Variants in PTP4A3 observed in about 807,000 individuals in gnomAD.
PTP4A3 encodes protein tyrosine phosphatase 4A3, also known as protein tyrosine phosphatase type IVA 3.
Under a neutral mutation model 15.2 loss-of-function variants are expected in PTP4A3, and 9 were observed. The ratio of observed to expected loss-of-function variants is 0.59; its 90% CI spans 0.36 to 1.03. PTP4A3 has a LOEUF of 1.03. Ranked by LOEUF, PTP4A3 falls within the 50% of genes least tolerant of loss-of-function variation. The pLI is 0.02. For synonymous variants in PTP4A3, 95 were observed against 102.0 expected (o/e 0.93, Z 0.41); for missense variants, 234 against 252.1 (o/e 0.93, Z 0.49).
chr8:141,422,612 G>A (rs544221938), intron 2 of PTP4A3, among the ~76,000 whole-genome samples: 2 of 152,248 alleles, frequency 1.3e-5, no homozygotes, highest in East Asian at 1.9e-4. Context: ...GGGACTCCAC[G>A]CTGTGTGGAT....
chr8:141,425,196 CGGGG>C lies in PTP4A3; in HGVS notation c.198+59_198+62del. ...CTGCTGCCACCGGGGGAGGGTGGGG[CGGGG>C]GGCTCCGGGCCTGCGCAGAGGGTTT... On this transcript the variant is annotated intron_variant, in intron 3 of 5. Coordinates refer to ENST00000521578, the MANE Select transcript of PTP4A3 (RefSeq NM_032611.3). The surrounding 1 kb of genome is among the most constrained non-coding windows in gnomAD (Gnocchi z 4.2). 1 of 361,486 alleles carries C rather than the reference CGGGG, an allele frequency of 2.8e-6. No homozygotes were observed. The highest frequency in any genetic ancestry group is 6.7e-5 in the East Asian group (1 of 14,872). 22.4% of individuals were successfully genotyped at this position (361,486 alleles called of 1,614,324 possible). A position where few individuals can be genotyped will look rare whatever the true frequency, so the allele number is the denominator to read the frequency against.
chr8:141,415,215 C>T (rs540317184), intron 1 of PTP4A3, among the ~76,000 whole-genome samples: 2 of 152,114 alleles, frequency 1.3e-5, no homozygotes, highest in South Asian at 2.1e-4. Context: ...AGTGAGGCTC[C>T]CTCCAGCGCG....
intron 1 of PTP4A3, among the ~76,000 whole-genome samples, chr8:141,417,018 G>A (rs146639053): frequency 2.0e-3 from 298 of 152,288 alleles, no homozygotes; most frequent in African/African-American, 6.7e-3. Context: ...TGGCCAGGGC[G>A]GGCACAGAGT....
At chr8:141,426,289 A>G (rs1833574072) in intron 3 of PTP4A3, among the ~76,000 whole-genome samples, 1 of 152,210 alleles carries the variant, frequency 6.6e-6, no homozygotes, top group Admixed American at 6.5e-5. Flanking sequence ...TCCCCTAGGA[A>G]GACTCACGTT....
At chr8:141,407,839 T>G (rs1197700096) in intron 1 of PTP4A3, among the ~76,000 whole-genome samples, 1 of 152,236 alleles carries the variant, frequency 6.6e-6, no homozygotes, top group Non-Finnish European at 1.5e-5. Flanking sequence ...AGTGGTAAGA[T>G]GACAGGCGTG....
intron 4 of PTP4A3, 148 bp from the exon 5 acceptor site, chr8:141,427,602 G>A (rs1467509074): frequency 3.1e-6 from 2 of 655,702 alleles, no homozygotes; most frequent in African/African-American, 1.8e-5. Context: ...AGGCTGGGCT[G>A]TGAGGCTGTG....
chr8:141,409,476 C>T (rs1485780883), intron 1 of PTP4A3, among the ~76,000 whole-genome samples: 1 of 152,210 alleles, frequency 6.6e-6, no homozygotes, highest in Non-Finnish European at 1.5e-5. Flanking sequence ...CGACCTCCTG[C>T]CCACCCCTTC....
chr8:141,397,911 T>C lies in PTP4A3; in HGVS notation c.-854+5827T>C, dbSNP rs368432700. Among the ~76,000 whole-genome samples, 9 of 152,300 alleles carry C rather than the reference T, an allele frequency of 5.9e-5. No homozygotes were observed. In the South Asian group the frequency reaches 1.9e-3, roughly 32 times the overall value. On this transcript the variant is annotated intron_variant, in intron 1 of 5. Coordinates refer to ENST00000521578, the MANE Select transcript of PTP4A3 (RefSeq NM_032611.3). ...CCAGGGTCGGCCCGGCTCCTGCCTTTATCATGTGTGAGCCTCGCTGTGTGT... is the reference window on the plus strand; with the variant it reads ...CCAGGGTCGGCCCGGCTCCTGCCTTCATCATGTGTGAGCCTCGCTGTGTGT...
Position 141,429,590 on chromosome 8 carries a change from C to T in PTP4A3, c.405-1337C>T, listed in dbSNP as rs535790838. Among the ~76,000 whole-genome samples the T allele has an allele frequency of 5.3e-5, 8 of 150,652 alleles. No homozygotes were observed. The East Asian group carries it at 7.9e-4, about 15-fold the overall frequency. On this transcript the variant is annotated intron_variant, in intron 5 of 5. Transcript: ENST00000521578. ...GGTTTCTGCTGTAAGGACCCGGTGGCGGGGACAGGGTAAGCGCACAGCCCA... is the reference window on the plus strand; with the variant it reads ...GGTTTCTGCTGTAAGGACCCGGTGGTGGGGACAGGGTAAGCGCACAGCCCA...
chr8:141,424,274 C>T (rs541346220), intron 2 of PTP4A3, among the ~76,000 whole-genome samples: 15 of 152,312 alleles, frequency 9.8e-5, no homozygotes, highest in South Asian at 2.1e-4. Flanking sequence ...GAACAGCCCC[C>T]GCACGTGACC....
intron 1 of PTP4A3, among the ~76,000 whole-genome samples, chr8:141,399,098 G>A (rs1219847116): frequency 6.6e-5 from 10 of 151,944 alleles, no homozygotes; most frequent in Non-Finnish European, 1.3e-4. Flanking sequence ...ACCCCACCCA[G>A]GGTTTCTGCC....
chr8:141,424,934 C>T (rs189460240), intron 2 of PTP4A3, 114 bp from the exon 3 acceptor site: 2 of 871,898 alleles, frequency 2.3e-6, no homozygotes, highest in East Asian at 2.6e-5. Flanking sequence ...ATGTCCAAGT[C>T]CTGGGTGACT....
intron 1 of PTP4A3, among the ~76,000 whole-genome samples, chr8:141,420,255 T>A (rs1340671079): frequency 6.6e-6 from 1 of 152,060 alleles, no homozygotes; most frequent in Non-Finnish European, 1.5e-5. Flanking sequence ...TCTAGGGGGC[T>A]GGAGAGTCTG....
At chr8:141,426,822 C>T in intron 3 of PTP4A3, 117 bp from the exon 4 acceptor site, 1 of 1,466,388 alleles carries the variant, frequency 6.8e-7, no homozygotes, top group Non-Finnish European at 9.1e-7. Context: ...GCTGCCCCCA[C>T]CCTAGTGGGC....
chr8:141,426,651 G>A (rs978151593), intron 3 of PTP4A3: 12 of 985,324 alleles, frequency 1.2e-5, no homozygotes, highest in African/African-American at 3.5e-5. Flanking sequence ...GGATTTGTGC[G>A]ACTCTGGAGC....
intron 1 of PTP4A3, among the ~76,000 whole-genome samples, chr8:141,417,518 T>C (rs1452362182): frequency 6.6e-6 from 1 of 152,080 alleles, no homozygotes; most frequent in Non-Finnish European, 1.5e-5. Flanking sequence ...GGGCGCGCTC[T>C]GTCCAGGCCT....
intron 5 of PTP4A3, among the ~76,000 whole-genome samples, chr8:141,428,330 G>T (rs138794159): frequency 7.0e-6 from 1 of 142,850 alleles, no homozygotes; most frequent in Non-Finnish European, 1.5e-5. Context: ...AGGCCAGCTC[G>T]CCTGCCCCAT....
chr8:141,403,240 G>T (rs1832640421), intron 1 of PTP4A3, among the ~76,000 whole-genome samples: 1 of 152,222 alleles, frequency 6.6e-6, no homozygotes, highest in Admixed American at 6.5e-5. Context: ...GAAGGCTGCA[G>T]CGGCCTCGCG....
chr8:141,418,596 A>G (rs1168180209), intron 1 of PTP4A3, among the ~76,000 whole-genome samples: 1 of 152,244 alleles, frequency 6.6e-6, no homozygotes, highest in Non-Finnish European at 1.5e-5. Flanking sequence ...AGGCTGAGCC[A>G]GATCTTGGGA....
Sources: allele counts gnomAD v4.1 joint callset (sites outside exome capture counted in the v4.1 genomes callset), GRCh38; gene constraint gnomAD v4.1.1; non-coding constraint Gnocchi (gnomAD v3.1); transcripts MANE v1.5; gene names NCBI Gene and HGNC (gene_info 2026-07-23, HGNC 2026-07-21).